Variants in MED13L observed in about 807,000 individuals in gnomAD.
The protein encoded by MED13L is mediator complex subunit 13L, also known as mediator of RNA polymerase II transcription subunit 13-like.
Under a neutral mutation model 220.9 loss-of-function variants are expected in MED13L, and 7 were observed. That is an observed-to-expected ratio of 0.03 (90% CI 0.02 to 0.06). The LOEUF is 0.06. MED13L is among the 10% of genes least tolerant of loss of function. The pLI is 1.00. For missense variants in MED13L, 1,965 were observed against 2,760.5 expected (o/e 0.71, Z 6.46); for synonymous variants, 1,011 against 1,015.2 (o/e 1.00, Z 0.08).
intron 14 of MED13L, among the ~76,000 whole-genome samples, chr12:115,998,239 T>G (rs562492981): frequency 6.6e-6 from 1 of 152,370 alleles, no homozygotes; most frequent in African/African-American, 2.4e-5. Flanking sequence ...GTTGTAAAAT[T>G]TGGCCACTAG....
intron 3 of MED13L, among the ~76,000 whole-genome samples, chr12:116,097,919 C>T (rs752021277): frequency 6.6e-6 from 1 of 152,102 alleles, no homozygotes; most frequent in Non-Finnish European, 1.5e-5. Context: ...CTGCGGATGC[C>T]ATGGATTGTA....
At chr12:115,978,326 CTTTTTTT>C (rs60887652) in intron 23 of MED13L, among the ~76,000 whole-genome samples, 52 of 132,184 alleles carry the variant, frequency 3.9e-4, no homozygotes, top group African/African-American at 1.3e-3. Flanking sequence ...AATTTTTTTT[CTTTTTTT>C]TTTTTTTTTT....
At chr12:116,086,071 C>A (rs1249783250) in intron 4 of MED13L, among the ~76,000 whole-genome samples, 1 of 152,186 alleles carries the variant, frequency 6.6e-6, no homozygotes, top group African/African-American at 2.4e-5. Context: ...ACACAATTGA[C>A]ACCACATTAT....
At chr12:116,121,390 G>C (rs1024110040) in intron 2 of MED13L, among the ~76,000 whole-genome samples, 1 of 152,146 alleles carries the variant, frequency 6.6e-6, no homozygotes, top group Non-Finnish European at 1.5e-5. Flanking sequence ...GAGAAAAAAA[G>C]TCAATATGGC....
rs78881216 is a variant in MED13L at position 116,274,821 on chromosome 12, C to T, written c.72+2239G>A. Among the ~76,000 whole-genome samples the T allele has an allele frequency of 8.4e-3, 1,269 of 151,658 alleles. 29 individuals carry two copies. In the East Asian group the frequency reaches 0.088, roughly 11 times the overall value. On this transcript the variant is annotated intron_variant, in intron 1 of 30. Transcript: ENST00000281928. ...TAAAAAATAATTCTTTTTAAAAAAG[C>T]ATATTCAAAAATCAATCCCTTGGTT...
At chr12:115,976,208 A>AT (rs1226656620) in intron 23 of MED13L, among the ~76,000 whole-genome samples, 3 of 152,254 alleles carry the variant, frequency 2.0e-5, no homozygotes, top group African/African-American at 7.2e-5. Flanking sequence ...AAAAACAGGT[A>AT]TAAGAATATT....
intron 4 of MED13L, among the ~76,000 whole-genome samples, chr12:116,062,655 T>C (rs1298598929): frequency 6.6e-6 from 1 of 151,994 alleles, no homozygotes; most frequent in Admixed American, 6.5e-5. Context: ...ACCAAGCTAA[T>C]TTTTGTATTT....
rs1873667840 is a variant in MED13L at position 116,274,685 on chromosome 12, A to C, written c.72+2375T>G. On this transcript the variant is annotated intron_variant, in intron 1 of 30. Transcript: ENST00000281928. ...CAGTTTAATTAATTTACATTTCTTC[A>C]ATAGCACCTTATCCACACTCCACGT... 3.3e-5 allele frequency among the ~76,000 whole-genome samples: 5 copies of C among 152,136 alleles called. No homozygotes were observed. The South Asian group carries it at 1.0e-3, about 31-fold the overall frequency.
chr12:116,100,364 C>T (rs1034251062), intron 3 of MED13L, among the ~76,000 whole-genome samples: 7 of 151,776 alleles, frequency 4.6e-5, no homozygotes, highest in African/African-American at 1.7e-4. Context: ...TTTGGGAGGC[C>T]GAGATGGGTG....
At chr12:116,246,422 T>G (rs1871102557) in intron 1 of MED13L, among the ~76,000 whole-genome samples, 1 of 151,952 alleles carries the variant, frequency 6.6e-6, no homozygotes, top group Non-Finnish European at 1.5e-5. Context: ...TAAAGACTTC[T>G]TCAGGAAGGT....
chr12:116,050,296 T>C (rs1868378632), intron 4 of MED13L, among the ~76,000 whole-genome samples: 1 of 152,114 alleles, frequency 6.6e-6, no homozygotes, highest in Admixed American at 6.5e-5. Flanking sequence ...GCACACAAAA[T>C]CTTAAAATTG....
chr12:116,256,682 C>CTTTTT lies in MED13L; in HGVS notation c.73-18982_73-18978dup, dbSNP rs35608298. On this transcript the variant is annotated intron_variant, in intron 1 of 30. Transcript: ENST00000281928. Reference sequence around the variant, plus strand: ...ACAATCTCTCAAAGAAAACAAACTACTTTTTTTTTTTTTTTTTTTTTTGAG... The same window carrying CTTTTT: ...ACAATCTCTCAAAGAAAACAAACTACTTTTTTTTTTTTTTTTTTTTTTTTTTTGAG... Among the ~76,000 whole-genome samples, 79 of 96,246 alleles carry CTTTTT rather than the reference C, an allele frequency of 8.2e-4. 3 individuals are homozygous for CTTTTT. Among genetic ancestry groups the CTTTTT allele is most frequent in the South Asian group, 1.5e-3 (4 of 2,732 alleles). 63.1% of individuals were successfully genotyped at this position (96,246 alleles called of 152,430 possible). A position where few individuals can be genotyped will look rare whatever the true frequency, so the allele number is the denominator to read the frequency against.
intron 2 of MED13L, among the ~76,000 whole-genome samples, chr12:116,174,069 G>A (rs1360979936): frequency 6.6e-6 from 1 of 152,116 alleles, no homozygotes; most frequent in Non-Finnish European, 1.5e-5. Context: ...ACTCTAGTCT[G>A]GGTTACAGAG....
chr12:116,167,196 G>A (rs1053080097), intron 2 of MED13L, among the ~76,000 whole-genome samples: 4 of 152,026 alleles, frequency 2.6e-5, no homozygotes, highest in African/African-American at 9.7e-5. Flanking sequence ...GAGCATAAAT[G>A]TTTTATAGAG....
intron 2 of MED13L, among the ~76,000 whole-genome samples, chr12:116,186,227 T>A (rs976597062): frequency 6.6e-6 from 1 of 152,228 alleles, no homozygotes; most frequent in Non-Finnish European, 1.5e-5. Context: ...TAGCATTTTA[T>A]TTAGTTGTGT....
intron 1 of MED13L, among the ~76,000 whole-genome samples, chr12:116,238,416 C>T (rs913351298): frequency 2.0e-5 from 3 of 152,144 alleles, no homozygotes; most frequent in Non-Finnish European, 2.9e-5. Context: ...CCATTACATA[C>T]GTTTATATTT....
intron 11 of MED13L, chr12:116,007,005 C>T (rs553088433): frequency 1.9e-5 from 5 of 261,586 alleles, no homozygotes; most frequent in South Asian, 5.1e-5. Flanking sequence ...ATAGGTACAG[C>T]GCTCAGCACA....
At chr12:116,187,681 T>A (rs1316140971) in intron 2 of MED13L, among the ~76,000 whole-genome samples, 2 of 152,162 alleles carry the variant, frequency 1.3e-5, no homozygotes, top group Non-Finnish European at 2.9e-5. Context: ...AGGGGATGTA[T>A]AGAAGTGAGT....
intron 2 of MED13L, among the ~76,000 whole-genome samples, chr12:116,207,985 T>C (rs1008515834): frequency 7.2e-5 from 11 of 152,170 alleles, no homozygotes; most frequent in African/African-American, 2.4e-4. Context: ...AGGGAACATG[T>C]TGTCATACCA....
Sources: gnomAD v4.1 joint callset for allele counts (sites outside exome capture counted in the v4.1 genomes callset) on GRCh38, gnomAD v4.1.1 for gene constraint, MANE v1.5 for transcripts, NCBI Gene and HGNC (gene_info 2026-07-23, HGNC 2026-07-21) for gene names.